SLC9D1: variants seen among roughly 807,000 people sequenced by gnomAD.
SLC9D1 encodes the protein putative LAG1-interacting protein.
chr13:113,495,966 G>A, the SLC9D1 span: 85 of 1,613,662 alleles, frequency 5.3e-5, no homozygotes, highest in Admixed American at 9.3e-4. Flanking sequence ...CAAAGATGTC[G>A]TGAACATGAA....
the SLC9D1 span, among the ~76,000 whole-genome samples, chr13:113,546,849 G>GA: frequency 7.7e-4 from 118 of 152,316 alleles, no homozygotes; most frequent in African/African-American, 2.8e-3. This position sits in a 1 kb window ranked among gnomAD's most constrained non-coding sequence, Gnocchi z 7.1. Context: ...GTTTCCCATT[G>GA]TTTTTAAAAA....
the SLC9D1 span, chr13:113,547,112 C>T: frequency 1.0e-5 from 6 of 591,704 alleles, no homozygotes; most frequent in South Asian, 9.6e-5. Context: ...CCAGGGCAGG[C>T]TTTTCCCCGG....
chr13:113,549,309 A>G, the SLC9D1 span: 11 of 1,182,230 alleles, frequency 9.3e-6, no homozygotes, highest in Non-Finnish European at 1.3e-5. Flanking sequence ...GCTCAGCCTC[A>G]GGACTCTAGC....
the SLC9D1 span, among the ~76,000 whole-genome samples, chr13:113,510,970 C>G: frequency 0.011 from 1,447 of 131,506 alleles, 654 homozygotes; most frequent in African/African-American, 0.027. Context: ...CCGTGTCCCT[C>G]TGCGGGGAGG....
At chr13:113,546,885 A>AG in the SLC9D1 span, among the ~76,000 whole-genome samples, 1 of 152,194 alleles carries the variant, frequency 6.6e-6, no homozygotes, top group South Asian at 2.1e-4. This position sits in a 1 kb window ranked among gnomAD's most constrained non-coding sequence, Gnocchi z 7.1. Context: ...AAGGAAGGAA[A>AG]GGAACATTGA....
the SLC9D1 span, among the ~76,000 whole-genome samples, chr13:113,524,839 T>C: frequency 6.6e-6 from 1 of 152,212 alleles, no homozygotes; most frequent in Non-Finnish European, 1.5e-5. Flanking sequence ...ACTCAGCCAG[T>C]CTCTGTATTT....
chr13:113,539,424 AG>A, the SLC9D1 span: 2 of 1,613,646 alleles, frequency 1.2e-6, no homozygotes. This position sits in a 1 kb window ranked among gnomAD's most constrained non-coding sequence, Gnocchi z 4.8. Context: ...GTCTCCTCTC[AG>A]GGCCCCGTGG....
At chr13:113,510,679 A>G in the SLC9D1 span, among the ~76,000 whole-genome samples, 2 of 152,262 alleles carry the variant, frequency 1.3e-5, no homozygotes. Context: ...GGCCAGAGAG[A>G]AATTGGACCA....
At chr13:113,504,686 G>C in the SLC9D1 span, 1 of 152,232 alleles carries the variant, frequency 6.6e-6, no homozygotes, top group Non-Finnish European at 1.5e-5. Context: ...TTATGGCTGA[G>C]TAGTATTCCA....
At chr13:113,546,533 A>G in the SLC9D1 span, among the ~76,000 whole-genome samples, 3 of 152,166 alleles carry the variant, frequency 2.0e-5, no homozygotes, top group Non-Finnish European at 2.9e-5. The surrounding 1 kb of genome is among the most constrained non-coding windows in gnomAD (Gnocchi z 7.1). Context: ...CAGTGTTTAC[A>G]TTTGTGTTTC....
the SLC9D1 span, chr13:113,534,249 C>CA: frequency 3.3e-5 from 52 of 1,599,498 alleles, no homozygotes; most frequent in Non-Finnish European, 4.3e-5. Flanking sequence ...CGGTAATTCT[C>CA]AAACTATGTG....
the SLC9D1 span, among the ~76,000 whole-genome samples, chr13:113,513,262 A>G: frequency 6.6e-6 from 1 of 152,140 alleles, no homozygotes; most frequent in Non-Finnish European, 1.5e-5. Context: ...AGTACCATCC[A>G]AGAGTAGGGG....
chr13:113,498,651 T>A, the SLC9D1 span: 1 of 699,150 alleles, frequency 1.4e-6, no homozygotes, highest in South Asian at 2.2e-5. Flanking sequence ...AATGCTTCTC[T>A]GTCGTAGAGA....
chr13:113,503,401 C>T, the SLC9D1 span: 17 of 728,246 alleles, frequency 2.3e-5, no homozygotes, highest in Non-Finnish European at 2.8e-5. Flanking sequence ...GTTTTGGATA[C>T]TTCCACCGGG....
the SLC9D1 span, chr13:113,501,650 G>T: frequency 1.1e-6 from 1 of 875,774 alleles, no homozygotes; most frequent in Non-Finnish European, 1.8e-6. Flanking sequence ...TTCCCATCAG[G>T]TGAAATCGGG....
the SLC9D1 span, among the ~76,000 whole-genome samples, chr13:113,506,276 G>A: frequency 2.6e-4 from 28 of 109,500 alleles, no homozygotes; most frequent in South Asian, 6.4e-4. Flanking sequence ...AGGGTAAGGG[G>A]GAGTGGGCCG....
At chr13:113,513,422 C>G in the SLC9D1 span, among the ~76,000 whole-genome samples, 3 of 152,122 alleles carry the variant, frequency 2.0e-5, no homozygotes, top group Non-Finnish European at 2.9e-5. Context: ...TACATTTAGT[C>G]AGTTATGACT....
At chr13:113,539,843 A>G in the SLC9D1 span, among the ~76,000 whole-genome samples, 6 of 152,058 alleles carry the variant, frequency 3.9e-5, no homozygotes, top group Non-Finnish European at 8.8e-5. The surrounding 1 kb of genome is among the most constrained non-coding windows in gnomAD (Gnocchi z 4.8). Flanking sequence ...GACCCTCGGC[A>G]GTGTTTTAAT....
chr13:113,509,585 C>T, the SLC9D1 span, among the ~76,000 whole-genome samples: 1 of 152,152 alleles, frequency 6.6e-6, no homozygotes. Context: ...CTTTCACTTT[C>T]TGTAGAGGGC....
Sources: allele counts gnomAD v4.1 joint callset (sites outside exome capture counted in the v4.1 genomes callset), GRCh38; gene constraint gnomAD v4.1.1; non-coding constraint Gnocchi (gnomAD v3.1); transcripts MANE v1.5; gene names NCBI Gene and HGNC (gene_info 2026-07-23, HGNC 2026-07-21).